IFT46: variants seen among roughly 807,000 people sequenced by gnomAD.
The protein encoded by IFT46 is intraflagellar transport protein 46 homolog.
In IFT46, 19 loss-of-function variants were observed where a neutral mutation model predicts 39.6. The ratio of observed to expected loss-of-function variants is 0.48; its 90% CI spans 0.33 to 0.70. The LOEUF (loss-of-function observed/expected upper bound fraction) is 0.70, where lower values mean the gene tolerates loss of function less well. Ranked by LOEUF, IFT46 falls within the 30% of genes least tolerant of loss-of-function variation. The pLI is 0.01. For missense variants in IFT46, 334 were observed against 364.8 expected (o/e 0.92, Z 0.69); for synonymous variants, 117 against 134.8 (o/e 0.87, Z 0.91).
upstream of IFT46, among the ~76,000 whole-genome samples, chr11:118,570,583 G>A (rs1436333266): frequency 2.0e-5 from 3 of 152,178 alleles, no homozygotes; most frequent in African/African-American, 4.8e-5. Flanking sequence ...GTTCGGTTGA[G>A]CTAAGGATGT....
At chr11:118,560,444 A>AGGGATGGGAGGGGAGGGGAG in intron 2 of IFT46, 1 of 64,520 alleles carries the variant, frequency 1.5e-5, no homozygotes, top group South Asian at 2.6e-4. Context: ...TGGGAGGGGA[A>AGGGATGGGAGGGGAGGGGAG]GGGAGGGGAG....
At chr11:118,557,564 T>A (rs1306404932) in intron 3 of IFT46, 3 of 716,180 alleles carry the variant, frequency 4.2e-6, no homozygotes, top group Non-Finnish European at 6.9e-6. Flanking sequence ...CTTGTGCCCA[T>A]CAAACCAGCA....
intron 3 of IFT46, among the ~76,000 whole-genome samples, chr11:118,559,119 C>G (rs1224357147): frequency 6.6e-6 from 1 of 151,862 alleles, no homozygotes; most frequent in African/African-American, 2.4e-5. Flanking sequence ...CCGCCCGCCT[C>G]GGCCTCCCAA....
chr11:118,555,922 CAA>C (rs1215637899), intron 4 of IFT46, among the ~76,000 whole-genome samples: 2 of 113,294 alleles, frequency 1.8e-5, no homozygotes. Flanking sequence ...GACTCTGTCT[CAA>C]AAAAAAAAAG....
chr11:118,564,031 G>A (rs1255089357), intron 2 of IFT46, among the ~76,000 whole-genome samples: 1 of 151,342 alleles, frequency 6.6e-6, no homozygotes, highest in Non-Finnish European at 1.5e-5. Flanking sequence ...GTGAAACCCC[G>A]TCTCTACTAA....
At chr11:118,564,683 TA>T (rs1278753717) in intron 2 of IFT46, among the ~76,000 whole-genome samples, 3 of 149,964 alleles carry the variant, frequency 2.0e-5, no homozygotes, top group South Asian at 2.1e-4. Flanking sequence ...AAACATAAGT[TA>T]AAAAAAAAGA....
In IFT46 at chr11:118,561,212, A is replaced by T. The variant is rs1164567453; in HGVS notation, c.-35-1348T>A. 5.1e-6 allele frequency: 7 copies of T among 1,379,414 alleles called. 1 individual carries two copies. The Admixed American group carries it at 1.2e-4, about 23-fold the overall frequency. 85.4% of individuals were successfully genotyped at this position (1,379,414 alleles called of 1,614,324 possible). A position where few individuals can be genotyped will look rare whatever the true frequency, so the allele number is the denominator to read the frequency against. ...GGATGGAGGCTTGTCTGTCCCTCAC[A>T]GTACCAAACGATTCCCTAGTTATGA... On this transcript the variant is annotated intron_variant, in intron 2 of 11. Transcript: ENST00000264021.
At chr11:118,549,191 G>A (rs78798093) in intron 9 of IFT46, among the ~76,000 whole-genome samples, 1 of 150,838 alleles carries the variant, frequency 6.6e-6, no homozygotes, top group African/African-American at 2.4e-5. Flanking sequence ...GAGCCACCAT[G>A]TCCAGCTCCT....
intron 7 of IFT46, among the ~76,000 whole-genome samples, chr11:118,553,089 A>C (rs1234738064): frequency 2.0e-5 from 3 of 151,806 alleles, no homozygotes; most frequent in African/African-American, 7.3e-5. Context: ...CTCAAAAAAA[A>C]ATAATTTGCT....
chr11:118,556,916 G>T lies in IFT46; in HGVS notation c.175C>A (p.Pro59Thr), dbSNP rs782785463. The T allele has an allele frequency of 6.2e-6, 10 of 1,600,038 alleles. No homozygotes were observed. The highest frequency in any genetic ancestry group is 8.5e-6 in the Non-Finnish European group (10 of 1,172,426). The part of the protein sequence containing the change: ...SDDDDEEHGA[P>T]LEGAYDPADY... Reference sequence around the variant, plus strand: ...GTGTTCTTTCCTCACCCTTCCAGAGGGGCTCCATGCTCTTCATCATCATCA... The same window carrying T: ...GTGTTCTTTCCTCACCCTTCCAGAGTGGCTCCATGCTCTTCATCATCATCA... Residue 59 changes from proline to threonine, a missense_variant, in exon 4 of 12, where the codon CCT (proline) becomes ACT (threonine). Physicochemically the swap from Pro to Thr is conservative, Grantham distance 38 (BLOSUM62 -1). Transcript: ENST00000264021.
chr11:118,552,438 A>G, intron 7 of IFT46, 103 bp from the exon 8 acceptor site: 1 of 1,375,712 alleles, frequency 7.3e-7, no homozygotes, highest in Admixed American at 2.0e-5. Context: ...GAGCTTGCTG[A>G]TGACAGCTGC....
upstream of IFT46, among the ~76,000 whole-genome samples, chr11:118,569,204 A>G (rs534008289): frequency 6.6e-6 from 1 of 151,866 alleles, no homozygotes; most frequent in South Asian, 2.1e-4. Context: ...CCTCCAACCC[A>G]GGAGGCAGAG....
chr11:118,565,841 G>A lies in IFT46; in HGVS notation c.-184C>T, dbSNP rs1181583026. The A allele has an allele frequency of 6.6e-6, 1 of 152,572 alleles. No individual in the cohort carries two copies. Among genetic ancestry groups the A allele is most frequent in the Non-Finnish European group, 1.5e-5 (1 of 68,034 alleles). 9.5% of individuals were successfully genotyped at this position (152,572 alleles called of 1,614,324 possible). A position where few individuals can be genotyped will look rare whatever the true frequency, so the allele number is the denominator to read the frequency against. On this transcript the variant is annotated 5_prime_UTR_variant, in exon 1 of 12. Coordinates refer to ENST00000264021, the MANE Select transcript of IFT46 (RefSeq NM_001168618.2). ...CTATAATGGAAAGAACCCCAGCCTA[G>A]GGCTGGGGTCTCACTCCAGTCTCAA...
chr11:118,549,449 C>A (rs1490148901), intron 9 of IFT46, among the ~76,000 whole-genome samples: 4 of 151,472 alleles, frequency 2.6e-5, no homozygotes, highest in Admixed American at 6.6e-5. Flanking sequence ...TGTCTTTTAA[C>A]TTTGTTTATG....
chr11:118,546,240 G>A (rs1353995520), intron 9 of IFT46: 6 of 708,988 alleles, frequency 8.5e-6, no homozygotes, highest in Admixed American at 8.2e-5. Flanking sequence ...CTTCACGCCT[G>A]TAATACCAGC....
chr11:118,545,536 T>C (rs782799646), intron 10 of IFT46, 42 bp from the exon 11 acceptor site: 3 of 1,530,164 alleles, frequency 2.0e-6, no homozygotes, highest in Non-Finnish European at 2.7e-6. Context: ...GCAAACAAAC[T>C]CCGGGAATTA....
chr11:118,567,381 C>A (rs1361820989), upstream of IFT46, among the ~76,000 whole-genome samples: 5 of 152,116 alleles, frequency 3.3e-5, no homozygotes, highest in African/African-American at 1.2e-4. Context: ...TCAAGACCAG[C>A]CTGACCAACA....
At position 118,555,326 on chromosome 11, in the gene IFT46, G is replaced by A. The variant is rs782750393; in HGVS notation, c.186-4C>T. The A allele has an allele frequency of 1.2e-6, 2 of 1,613,248 alleles. No individual in the cohort carries two copies. Among genetic ancestry groups the A allele is most frequent in the Admixed American group, 1.7e-5 (1 of 60,006 alleles). On this transcript the variant is annotated splice_polypyrimidine_tract_variant and splice_region_variant and intron_variant, in intron 4 of 11. Transcript: ENST00000264021. ...ATAGTCTGCAGGGTCATAGGCCCTG[G>A]GAAAAGGAAAACAGTTTGTTCGAGG...
rs1272746542 is a variant in IFT46, at chr11:118,572,318, T to C, written c.-133+278A>G. ...GGGCTTAATCGTAACCGGAGCGGGG[T>C]ACCCTCAATTTCCCCAGCCCACAGG... On this transcript the variant is annotated intron_variant, in intron 1 of 5. Transcript: ENST00000528378. 6 of 499,518 alleles carry C rather than the reference T, an allele frequency of 1.2e-5. No homozygotes were observed. The South Asian group carries it at 1.2e-4, about 10-fold the overall frequency. The allele number at this position is 499,518 out of a possible 1,614,324, so 30.9% of individuals were successfully genotyped here. A position where few individuals can be genotyped will look rare whatever the true frequency, so the allele number is the denominator to read the frequency against.
Sources: gnomAD v4.1 joint callset for allele counts (sites outside exome capture counted in the v4.1 genomes callset) on GRCh38, gnomAD v4.1.1 for gene constraint, MANE v1.5 for transcripts, NCBI Gene and HGNC (gene_info 2026-07-23, HGNC 2026-07-21) for gene names.